The following LMX1B variants were observed in gnomAD, a reference collection of about 807,000 sequenced individuals.
The protein encoded by LMX1B is LIM homeobox transcription factor 1 beta.
Under a neutral mutation model 51.4 loss-of-function variants are expected in LMX1B, and 12 were observed. The observed-to-expected ratio is 0.23, with a 90% CI of 0.15 to 0.38. LMX1B has a LOEUF of 0.38. Ranked by LOEUF, LMX1B falls within the 10% of genes least tolerant of loss-of-function variation. The pLI, the probability that LMX1B is intolerant of heterozygous loss-of-function variation, is 1.00. For synonymous variants in LMX1B, 237 were observed against 235.4 expected (o/e 1.01, Z -0.06); for missense variants, 445 against 571.1 (o/e 0.78, Z 2.25).
rs1835536629 is a variant in LMX1B, at chr9:126,626,604, G to A, written c.326+11035G>A. Among the ~76,000 whole-genome samples, 2 of 152,306 alleles carry A rather than the reference G, an allele frequency of 1.3e-5. No individual in the cohort carries two copies. Among genetic ancestry groups the A allele is most frequent in the East Asian group, 3.9e-4 (2 of 5,162 alleles). On this transcript the variant is annotated intron_variant, in intron 2 of 7. Coordinates refer to ENST00000373474, the MANE Select transcript of LMX1B (RefSeq NM_001174147.2). This position sits in a 1 kb window ranked among gnomAD's most constrained non-coding sequence, Gnocchi z 4.3. ...GCAACCGGCCCTTCCTTCCAGGTCAGGGGTGGGGGAGAGACTTTCTCCCTC... is the reference window on the plus strand; with the variant it reads ...GCAACCGGCCCTTCCTTCCAGGTCAAGGGTGGGGGAGAGACTTTCTCCCTC...
chr9:126,645,915 C>A (rs1485300013), intron 2 of LMX1B, among the ~76,000 whole-genome samples: 1 of 152,154 alleles, frequency 6.6e-6, no homozygotes, highest in Non-Finnish European at 1.5e-5. Flanking sequence ...AGGAAAACAG[C>A]CCCACCGTGC....
At chr9:126,619,727 C>T (rs538770501) in intron 2 of LMX1B, among the ~76,000 whole-genome samples, 2 of 152,322 alleles carry the variant, frequency 1.3e-5, no homozygotes, top group African/African-American at 4.8e-5. Context: ...TGCTGCTGAA[C>T]GGAGGCATTA....
At chr9:126,616,828 C>T (rs1275804359) in intron 2 of LMX1B, among the ~76,000 whole-genome samples, 4 of 152,220 alleles carry the variant, frequency 2.6e-5, no homozygotes, top group African/African-American at 9.6e-5. Flanking sequence ...GAGAGGGCAT[C>T]GGATTCTACC....
chr9:126,678,672 AC>A (rs1314685311), intron 2 of LMX1B, among the ~76,000 whole-genome samples: 1 of 152,262 alleles, frequency 6.6e-6, no homozygotes, highest in Non-Finnish European at 1.5e-5. Flanking sequence ...TGACACGACC[AC>A]AGTAAGATGT....
rs1836585729 is a variant in LMX1B, at chr9:126,677,522, A to G, written c.327-13314A>G. On this transcript the variant is annotated intron_variant, in intron 2 of 7. Coordinates refer to ENST00000373474, the MANE Select transcript of LMX1B (RefSeq NM_001174147.2). The surrounding 1 kb of genome is among the most constrained non-coding windows in gnomAD (Gnocchi z 5.0). ...TTCCCAGTCCCCAACTACCTTTCCA[A>G]CCTCCAGGAAGGCAGGAGAGTGTGG... is the stretch of plus-strand genomic sequence containing the variant. Among the ~76,000 whole-genome samples the G allele has an allele frequency of 6.6e-6, 1 of 151,744 alleles. No homozygotes were observed. Among genetic ancestry groups the G allele is most frequent in the Non-Finnish European group, 1.5e-5 (1 of 67,944 alleles).
Position 126,655,307 on chromosome 9 carries a change from G to A in LMX1B, c.327-35529G>A, listed in dbSNP as rs898722767. ...GCCCCCTTCGATGAGGGCATCTGAG[G>A]GTCCTGGCTGCCCTAGACCACCCCT... On this transcript the variant is annotated intron_variant, in intron 2 of 7. Transcript: ENST00000373474. Among the ~76,000 whole-genome samples, 3 of 152,296 alleles carry A rather than the reference G, an allele frequency of 2.0e-5. No individual in the cohort carries two copies. In the East Asian group the frequency reaches 5.8e-4, roughly 29 times the overall value.
chr9:126,631,012 GC>G (rs2118859982), intron 2 of LMX1B, among the ~76,000 whole-genome samples: 2 of 152,336 alleles, frequency 1.3e-5, no homozygotes, highest in African/African-American at 4.8e-5. Context: ...CCTCCCACGT[GC>G]CCCCGCCTGC....
chr9:126,662,101 C>T (rs1836258805), intron 2 of LMX1B, among the ~76,000 whole-genome samples: 1 of 152,222 alleles, frequency 6.6e-6, no homozygotes, highest in Non-Finnish European at 1.5e-5. Context: ...TGGAGTCAGA[C>T]AGACACAGGG....
chr9:126,693,036 A>G (rs949110650), intron 3 of LMX1B, 106 bp from the exon 4 acceptor site: 3 of 1,229,626 alleles, frequency 2.4e-6, no homozygotes, highest in South Asian at 1.5e-5. Flanking sequence ...GCAGGTGTCA[A>G]CAGAGGGGAC....
intron 2 of LMX1B, among the ~76,000 whole-genome samples, chr9:126,663,557 T>C (rs1050656554): frequency 6.6e-6 from 1 of 152,244 alleles, no homozygotes; most frequent in Non-Finnish European, 1.5e-5. Flanking sequence ...TTTTCTCATT[T>C]ATAAAATGCG....
At chr9:126,683,457 C>A (rs2118972597) in intron 2 of LMX1B, among the ~76,000 whole-genome samples, 2 of 152,266 alleles carry the variant, frequency 1.3e-5, no homozygotes, top group South Asian at 4.2e-4. Flanking sequence ...GTCAGCGAGT[C>A]CGGCAGGGAG....
chr9:126,652,295 A>AGG (rs1564155548), intron 2 of LMX1B, among the ~76,000 whole-genome samples: 1 of 84,994 alleles, frequency 1.2e-5, no homozygotes, highest in South Asian at 4.8e-4. Flanking sequence ...TGAGGAGGAG[A>AGG]AGGGGGGGGG....
chr9:126,664,613 C>T (rs949409016), intron 2 of LMX1B, among the ~76,000 whole-genome samples: 3 of 152,288 alleles, frequency 2.0e-5, no homozygotes, highest in Admixed American at 6.5e-5. Flanking sequence ...CGGTGGCTCA[C>T]GCTTGTAATC....
chr9:126,634,600 A>AC (rs1160943965), intron 2 of LMX1B, among the ~76,000 whole-genome samples: 62 of 134,544 alleles, frequency 4.6e-4, no homozygotes, highest in African/African-American at 1.5e-3. Context: ...CAGGTTCTGC[A>AC]CACCCCCCCC....
intron 2 of LMX1B, among the ~76,000 whole-genome samples, chr9:126,669,139 A>T (rs10115998): frequency 0.075 from 11,365 of 152,222 alleles, 1,391 homozygotes; most frequent in African/African-American, 0.26. Context: ...GGAAGATTGT[A>T]GCTGGCATGG....
chr9:126,693,336 CG>C lies in LMX1B; in HGVS notation c.741+19del. ...GCCTTGCCGAAAGGTGAGGGGCGGC[CG>C]GGGGGCGGGGCTCAGGCTGATGCCC... On this transcript the variant is annotated intron_variant, in intron 4 of 7. Transcript: ENST00000373474. The C allele has an allele frequency of 3.8e-6, 6 of 1,581,568 alleles. No individual in the cohort carries two copies. The highest frequency in any genetic ancestry group is 1.1e-5 in the South Asian group (1 of 87,684).
chr9:126,691,553 C>T (rs1465030042), intron 3 of LMX1B, among the ~76,000 whole-genome samples: 1 of 152,230 alleles, frequency 6.6e-6, no homozygotes, highest in Non-Finnish European at 1.5e-5. Flanking sequence ...TGTCCACATG[C>T]TCACATGTAC....
intron 2 of LMX1B, among the ~76,000 whole-genome samples, chr9:126,632,709 G>C (rs1007252813): frequency 3.9e-5 from 6 of 152,144 alleles, no homozygotes; most frequent in Non-Finnish European, 5.9e-5. Flanking sequence ...CTTGGAGCTG[G>C]GGTGGCTGGA....
chr9:126,690,703 G>T (rs2030087761), intron 2 of LMX1B, 133 bp from the exon 3 acceptor site: 4 of 731,984 alleles, frequency 5.5e-6, no homozygotes, highest in Non-Finnish European at 4.6e-6. Context: ...GTCTGACCTG[G>T]TGCCCAAGGA....
Sources: allele counts gnomAD v4.1 joint callset (sites outside exome capture counted in the v4.1 genomes callset), GRCh38; gene constraint gnomAD v4.1.1; non-coding constraint Gnocchi (gnomAD v3.1); transcripts MANE v1.5; gene names NCBI Gene and HGNC (gene_info 2026-07-23, HGNC 2026-07-21).